Variants in PCDH11X observed in about 807,000 individuals in gnomAD.
PCDH11X encodes protocadherin-11 X-linked.
A neutral mutation model predicts 53.3 loss-of-function variants in PCDH11X; 18 were observed. The observed-to-expected ratio is 0.34, with a 90% CI of 0.23 to 0.50. PCDH11X has a LOEUF of 0.50. Among genes scored for constraint, PCDH11X ranks in the 20% least tolerant of loss-of-function variants. PCDH11X has a pLI of 0.98. For missense variants in PCDH11X, 570 were observed against 1,032.4 expected (o/e 0.55, Z 6.14); for synonymous variants, 279 against 393.3 (o/e 0.71, Z 3.44).
At chrX:92,052,285 A>G (rs928047663) in intron 6 of PCDH11X, among the ~76,000 whole-genome samples, 1 of 106,761 alleles carries the variant, frequency 9.4e-6, no homozygotes, top group African/African-American at 3.4e-5. Flanking sequence ...CAATCCCAAT[A>G]AAGTCCAGTT....
At chrX:92,083,833 G>A (rs949741385) in intron 6 of PCDH11X, among the ~76,000 whole-genome samples, 6 of 111,548 alleles carry the variant, frequency 5.4e-5, no homozygotes, top group African/African-American at 1.6e-4. Context: ...GCTCTCGCCT[G>A]TAATCCCAGC....
chrX:91,854,093 G>A (rs907569597), intron 5 of PCDH11X, among the ~76,000 whole-genome samples: 1 of 110,583 alleles, frequency 9.0e-6, no homozygotes, highest in African/African-American at 3.3e-5. Context: ...GTTAGCAAAC[G>A]CTAGGTCTTA....
At chrX:92,507,375 C>T (rs1032542974) in intron 10 of PCDH11X, among the ~76,000 whole-genome samples, 1 of 110,872 alleles carries the variant, frequency 9.0e-6, no homozygotes, top group African/African-American at 3.3e-5. Context: ...ATAAACGTTC[C>T]TTTTAACATT....
intron 6 of PCDH11X, among the ~76,000 whole-genome samples, chrX:92,099,960 A>G (rs1294441524): frequency 3.6e-5 from 4 of 111,470 alleles, no homozygotes; most frequent in Non-Finnish European, 7.5e-5. Context: ...TGCACTCCAT[A>G]TATTAATCAA....
chrX:91,825,060 A>G (rs1353445041), intron 4 of PCDH11X, among the ~76,000 whole-genome samples: 8 of 111,025 alleles, frequency 7.2e-5, no homozygotes, highest in African/African-American at 2.7e-4. Flanking sequence ...ATACTGGGAG[A>G]ACCACTGCTC....
Position 91,884,996 on chromosome X carries a change from A to C in PCDH11X, c.3033+5723A>C, listed in dbSNP as rs769728367. Among the ~76,000 whole-genome samples the C allele has an allele frequency of 1.8e-4, 20 of 109,919 alleles. 1 individual carries two copies. In the South Asian group the frequency reaches 7.8e-3, roughly 43 times the overall value. ...TTCTTGGATATTTAATATATAGGTA[A>C]TATTTTAAACAAGTTTCTGTTAAAA... On this transcript the variant is annotated intron_variant, in intron 6 of 10. Transcript: ENST00000682573.
chrX:92,326,550 G>A (rs1437893070), intron 8 of PCDH11X, among the ~76,000 whole-genome samples: 1 of 86,731 alleles, frequency 1.2e-5, no homozygotes, highest in African/African-American at 4.6e-5. Flanking sequence ...CTGCTAAAAT[G>A]AGTAATGTGG....
At chrX:92,464,284 A>G (rs1352032587) in intron 9 of PCDH11X, among the ~76,000 whole-genome samples, 4 of 111,269 alleles carry the variant, frequency 3.6e-5, no homozygotes, top group Admixed American at 9.6e-5. Context: ...CTGATCTTGA[A>G]TTATAGTCCC....
At chrX:92,252,374 T>TACACACACACACACACACACACACAC (rs757873528) in intron 7 of PCDH11X, among the ~76,000 whole-genome samples, 7 of 104,592 alleles carry the variant, frequency 6.7e-5, no homozygotes, top group African/African-American at 2.5e-4. Flanking sequence ...TTTGTCATGT[T>TACACACACACACACACACACACACAC]ACACACACAC....
chrX:92,216,464 G>A (rs1432888422), intron 7 of PCDH11X, among the ~76,000 whole-genome samples: 20 of 104,368 alleles, frequency 1.9e-4, no homozygotes, highest in Middle Eastern at 5.1e-3. Flanking sequence ...GATGGAAGAT[G>A]AAATGAATGA....
intron 6 of PCDH11X, among the ~76,000 whole-genome samples, chrX:92,026,517 C>A (rs908679262): frequency 4.6e-5 from 5 of 109,376 alleles, no homozygotes; most frequent in Non-Finnish European, 9.5e-5. Flanking sequence ...CATTCATTAT[C>A]CATTCTTAAG....
At position 92,473,111 on chromosome X, in the gene PCDH11X, A is replaced by G. The variant is rs183478836; in HGVS notation, c.3367+4789A>G. On this transcript the variant is annotated intron_variant, in intron 10 of 10. Coordinates refer to ENST00000682573, the MANE Select transcript of PCDH11X (RefSeq NM_032968.5). ...AGTTTGACTTCCTCTCTGCTGGAAGATATTTATTATGGCTTTGAGCTCATT... is the reference window on the plus strand; with the variant it reads ...AGTTTGACTTCCTCTCTGCTGGAAGGTATTTATTATGGCTTTGAGCTCATT... Among the ~76,000 whole-genome samples, 36 of 107,512 alleles carry G rather than the reference A, an allele frequency of 3.3e-4. No homozygotes were observed. The East Asian group carries it at 6.7e-3, about 20-fold the overall frequency. The allele number at this position is 107,512 out of a possible 115,157, so 93.4% of individuals were successfully genotyped here.
At chrX:92,248,863 G>A (rs754207458) in intron 7 of PCDH11X, among the ~76,000 whole-genome samples, 19 of 109,509 alleles carry the variant, frequency 1.7e-4, no homozygotes, top group South Asian at 4.0e-4. Context: ...CACCATGCCC[G>A]GCTAATATTT....
chrX:92,236,488 A>C (rs2067173841), intron 7 of PCDH11X, among the ~76,000 whole-genome samples: 1 of 111,576 alleles, frequency 9.0e-6, no homozygotes, highest in South Asian at 3.7e-4. Context: ...TCATTGACAT[A>C]CTTTCCTGTT....
At chrX:92,228,853 A>G (rs1193842956) in intron 7 of PCDH11X, among the ~76,000 whole-genome samples, 9 of 111,932 alleles carry the variant, frequency 8.0e-5, no homozygotes, top group African/African-American at 2.9e-4. Context: ...AAAAGTGGTG[A>G]TTAACTTTTT....
intron 6 of PCDH11X, among the ~76,000 whole-genome samples, chrX:92,132,622 AATATATATATATGTAT>A (rs2065002066): frequency 1.2e-5 from 1 of 83,774 alleles, no homozygotes; most frequent in African/African-American, 4.6e-5. Flanking sequence ...GAAAAAAAGA[AATATATATATATGTAT>A]ATATATATAT....
At chrX:91,947,218 TA>T (rs1350145329) in intron 6 of PCDH11X, among the ~76,000 whole-genome samples, 3 of 109,407 alleles carry the variant, frequency 2.7e-5, no homozygotes, top group Non-Finnish European at 5.7e-5. Flanking sequence ...TGCAGCAGTC[TA>T]AAAAATCTTG....
chrX:92,179,650 A>G (rs914780954), intron 6 of PCDH11X, among the ~76,000 whole-genome samples: 6 of 112,292 alleles, frequency 5.3e-5, no homozygotes, highest in African/African-American at 1.9e-4. Context: ...TTTGCGTATA[A>G]TTTACTTAAT....
chrX:92,364,331 A>G (rs973965320), intron 8 of PCDH11X, among the ~76,000 whole-genome samples: 32 of 112,143 alleles, frequency 2.9e-4, no homozygotes, highest in African/African-American at 1.0e-3. Context: ...ACAAACCTGT[A>G]CAGCATGTTA....
Sources: allele counts gnomAD v4.1 joint callset (sites outside exome capture counted in the v4.1 genomes callset), GRCh38; gene constraint gnomAD v4.1.1; transcripts MANE v1.5; gene names NCBI Gene and HGNC (gene_info 2026-07-23, HGNC 2026-07-21).